The following BMP2K variants were observed in gnomAD, a reference collection of about 807,000 sequenced individuals.
BMP2K encodes the protein BMP-2-inducible protein kinase.
Under a neutral mutation model 116.0 loss-of-function variants are expected in BMP2K, and 74 were observed. The observed-to-expected ratio is 0.64, with a 90% CI of 0.53 to 0.77. The LOEUF is 0.77. BMP2K is among the 30% of genes least tolerant of loss of function. The pLI, the probability that BMP2K is intolerant of heterozygous loss-of-function variation, is 0.00. For missense variants in BMP2K, 1,365 were observed against 1,403.6 expected (o/e 0.97, Z 0.44); for synonymous variants, 486 against 502.5 (o/e 0.97, Z 0.44).
At chr4:78,835,622 C>T (rs1463366839) in intron 3 of BMP2K, among the ~76,000 whole-genome samples, 4 of 133,162 alleles carry the variant, frequency 3.0e-5, no homozygotes, top group Non-Finnish European at 3.1e-5. Flanking sequence ...AGCGAGACTC[C>T]GTGTCAAAAA....
chr4:78,828,523 A>G (rs762192675), intron 2 of BMP2K, among the ~76,000 whole-genome samples: 3 of 152,148 alleles, frequency 2.0e-5, no homozygotes, highest in Non-Finnish European at 2.9e-5. Flanking sequence ...AAGACCCACA[A>G]TCAGAAAGGT....
intron 7 of BMP2K, chr4:78,859,382 G>GCCGT: frequency 2.4e-6 from 1 of 411,036 alleles, no homozygotes; most frequent in South Asian, 6.0e-5. Flanking sequence ...TTCTGTGATT[G>GCCGT]ATCTACCCTT....
intron 3 of BMP2K, among the ~76,000 whole-genome samples, chr4:78,841,524 T>G (rs570119518): frequency 9.9e-4 from 151 of 152,288 alleles, no homozygotes; most frequent in South Asian, 2.1e-3. Flanking sequence ...GGATAGAATT[T>G]ACCTCTTAGC....
chr4:78,814,776 A>T (rs1408615979), intron 1 of BMP2K, among the ~76,000 whole-genome samples: 1 of 152,082 alleles, frequency 6.6e-6, no homozygotes, highest in Non-Finnish European at 1.5e-5. Flanking sequence ...GGCAAAAAAA[A>T]ATTATATATT....
At chr4:78,805,634 T>C (rs375820333) in intron 1 of BMP2K, among the ~76,000 whole-genome samples, 2 of 152,190 alleles carry the variant, frequency 1.3e-5, no homozygotes, top group Non-Finnish European at 2.9e-5. Flanking sequence ...TAGAAGTGTT[T>C]TCTTAATTTA....
chr4:78,854,286 T>C (rs1327332927), intron 7 of BMP2K, among the ~76,000 whole-genome samples: 1 of 151,226 alleles, frequency 6.6e-6, no homozygotes, highest in African/African-American at 2.4e-5. Context: ...TATTTATTTA[T>C]TTTTTAAGAC....
chr4:78,838,620 TA>T lies in BMP2K; in HGVS notation c.404-3763del, dbSNP rs559725325. Among the ~76,000 whole-genome samples, 333 of 152,376 alleles carry T rather than the reference TA, an allele frequency of 2.2e-3. 1 individual carries two copies. The highest frequency in any genetic ancestry group is 7.2e-3 in the South Asian group (35 of 4,830). ...CTCCACTTACTTCCTCTGTAACAGC[TA>T]ACTGCATTACATAAAATTGTTTAAC... is the stretch of plus-strand genomic sequence containing the variant. On this transcript the variant is annotated intron_variant, in intron 3 of 15. Transcript: ENST00000502613.
In BMP2K at chr4:78,915,983, A is replaced by T. The variant is rs1173365044; in HGVS notation, c.*3950A>T. On this transcript the variant is annotated 3_prime_UTR_variant, in exon 16 of 16. Transcript: ENST00000502613. ...ACACTTCCATTTTTTGTTAAACTTGAATTTTCTGAAGCCTTTTATGTACCA... is the reference window on the plus strand; with the variant it reads ...ACACTTCCATTTTTTGTTAAACTTGTATTTTCTGAAGCCTTTTATGTACCA... The T allele has an allele frequency of 6.6e-6, 1 of 151,922 alleles. No homozygotes were observed. Among genetic ancestry groups the T allele is most frequent in the Non-Finnish European group, 1.5e-5 (1 of 67,860 alleles). The allele number at this position is 151,922 out of a possible 1,614,324, so 9.4% of individuals were successfully genotyped here.
intron 1 of BMP2K, among the ~76,000 whole-genome samples, chr4:78,797,912 TC>T (rs1288273907): frequency 6.6e-6 from 1 of 152,124 alleles, no homozygotes. Context: ...AGCCTCAAAC[TC>T]CTGGGCTCAA....
chr4:78,791,593 C>T (rs2109934380), intron 1 of BMP2K, among the ~76,000 whole-genome samples: 1 of 152,292 alleles, frequency 6.6e-6, no homozygotes, highest in African/African-American at 2.4e-5. Context: ...ACCCATCAAA[C>T]ACCAACTTTC....
chr4:78,822,663 G>GT (rs1729678375), intron 1 of BMP2K, among the ~76,000 whole-genome samples: 1 of 152,036 alleles, frequency 6.6e-6, no homozygotes, highest in African/African-American at 2.4e-5. Context: ...TAGCATTAAT[G>GT]TAACAACTAT....
chr4:78,824,763 T>A (rs895863325), intron 1 of BMP2K, among the ~76,000 whole-genome samples: 14 of 152,300 alleles, frequency 9.2e-5, no homozygotes, highest in African/African-American at 3.1e-4. Context: ...CATACCATTT[T>A]AAAAAAAGTA....
Position 78,911,403 on chromosome 4 carries a change from C to G in BMP2K, c.2856C>G (p.Asp952Glu). The part of the protein sequence containing the change: ...TSTSKSESNE[D>E]LFGLVPFDEI... ...CAAGTAAAAGTGAAAGCAATGAGGA[C>G]CTTTTTGGGCTTGTGCCCTTTGATG... The change falls in exon 16 of 16, where the codon GAC becomes GAG. Residue 952 changes from aspartate (D) to glutamate (E), a missense_variant. Coordinates refer to ENST00000502613, the MANE Select transcript of BMP2K (RefSeq NM_198892.2). 3 of 1,613,996 alleles carry G rather than the reference C, an allele frequency of 1.9e-6. No homozygotes were observed. The highest frequency in any genetic ancestry group is 2.5e-6 in the Non-Finnish European group (3 of 1,179,886).
chr4:78,786,405 ATGTGTGTGTGTGTGTGTGTG>A (rs34288286), intron 1 of BMP2K, among the ~76,000 whole-genome samples: 17 of 134,386 alleles, frequency 1.3e-4, no homozygotes, highest in South Asian at 1.0e-3. Flanking sequence ...AAGCCACCCA[ATGTGTGTGTGTGTGTGTGTG>A]TGTGTGTGTG....
chr4:78,884,873 ATTC>A (rs1407458968), intron 14 of BMP2K, among the ~76,000 whole-genome samples: 5 of 152,202 alleles, frequency 3.3e-5, no homozygotes, highest in African/African-American at 1.2e-4. Context: ...TATATAAATT[ATTC>A]TTCAACCTTT....
intron 1 of BMP2K, among the ~76,000 whole-genome samples, chr4:78,784,533 A>G (rs1727647631): frequency 6.6e-6 from 1 of 152,248 alleles, no homozygotes; most frequent in Non-Finnish European, 1.5e-5. Context: ...AAATGAGGTC[A>G]GTCAGCACAT....
intron 7 of BMP2K, among the ~76,000 whole-genome samples, chr4:78,851,857 A>G (rs1239636856): frequency 6.6e-6 from 1 of 152,136 alleles, no homozygotes; most frequent in East Asian, 1.9e-4. Context: ...AATCCCAGGA[A>G]CTATTATTAA....
rs753511920 is a variant in BMP2K, at chr4:78,859,537, A to C, written c.884-47A>C. The C allele has an allele frequency of 1.0e-5, 13 of 1,271,374 alleles. No individual in the cohort carries two copies. In the East Asian group the frequency reaches 2.6e-4, roughly 25 times the overall value. The allele number at this position is 1,271,374 out of a possible 1,614,324, so 78.8% of individuals were successfully genotyped here. A position where few individuals can be genotyped will look rare whatever the true frequency, so the allele number is the denominator to read the frequency against. ...CTTATAATGTGCCCCTAAGTAGTAT[A>C]ATGTGTGTTTCATAAAACTTCTTAA... is the stretch of plus-strand genomic sequence containing the variant. On this transcript the variant is annotated intron_variant, in intron 7 of 15. Coordinates refer to ENST00000502613, the MANE Select transcript of BMP2K (RefSeq NM_198892.2).
Position 78,826,077 on chromosome 4 carries a change from A to G in BMP2K, c.219A>G (p.Gly73=), listed in dbSNP as rs1312394073. Residue 73 remains glycine, a synonymous_variant, in exon 2 of 16, where the codon GGA becomes GGG. Coordinates refer to ENST00000502613, the MANE Select transcript of BMP2K (RefSeq NM_198892.2). ...TTTTCCTCGTGCGTACTCACGGTGG[A>G]ATCCGATGTGCATTGAAGCGAATGT... is the stretch of plus-strand genomic sequence containing the variant. ...STVFLVRTHG[G]IRCALKRMYV... The G allele has an allele frequency of 6.2e-7, 1 of 1,614,154 alleles. No homozygotes were observed.
Sources: allele counts gnomAD v4.1 joint callset (sites outside exome capture counted in the v4.1 genomes callset), GRCh38; gene constraint gnomAD v4.1.1; transcripts MANE v1.5; gene names NCBI Gene and HGNC (gene_info 2026-07-23, HGNC 2026-07-21).